ADGRV1: variants seen among roughly 807,000 people sequenced by gnomAD.
ADGRV1 encodes G-protein coupled receptor 98.
ADGRV1 carries 359 observed loss-of-function variants against 596.2 expected under a neutral mutation model. The observed-to-expected ratio is 0.60, with a 90% CI of 0.55 to 0.66. ADGRV1 has a LOEUF of 0.66. Ranked by LOEUF, ADGRV1 falls within the 30% of genes least tolerant of loss-of-function variation. The probability of loss-of-function intolerance (pLI) is 0.00; values close to 1 mark genes in which losing one functional copy is unlikely to be tolerated. For synonymous variants in ADGRV1, 2,681 were observed against 2,679.2 expected (o/e 1.00, Z -0.02); for missense variants, 7,274 against 7,575.6 (o/e 0.96, Z 1.48).
chr5:90,680,905 A>G (rs568806219), intron 26 of ADGRV1, among the ~76,000 whole-genome samples: 150 of 152,312 alleles, frequency 9.8e-4, no homozygotes, highest in African/African-American at 3.5e-3. Flanking sequence ...TTGGAAACCA[A>G]GAATCTGTTC....
At chr5:90,976,473 T>G (rs1003196880) in intron 84 of ADGRV1, among the ~76,000 whole-genome samples, 8 of 151,666 alleles carry the variant, frequency 5.3e-5, no homozygotes, top group Non-Finnish European at 8.8e-5. Context: ...CATTATTTTT[T>G]GGGTATTGTG....
At chr5:90,999,871 C>T (rs1195640354) in intron 85 of ADGRV1, among the ~76,000 whole-genome samples, 1 of 152,088 alleles carries the variant, frequency 6.6e-6, no homozygotes, top group Non-Finnish European at 1.5e-5. Flanking sequence ...CAGGATACTT[C>T]ATACAATTTA....
chr5:90,923,137 G>C (rs1411465701), intron 83 of ADGRV1, among the ~76,000 whole-genome samples: 1 of 152,086 alleles, frequency 6.6e-6, no homozygotes, highest in African/African-American at 2.4e-5. Flanking sequence ...TTTGAAACTT[G>C]TGAGCATTAC....
rs1465709028 is a variant in ADGRV1, at chr5:90,976,318, G to GTATATA, written c.17974-9025_17974-9024insATATAT. On this transcript the variant is annotated intron_variant, in intron 84 of 89. Coordinates refer to ENST00000405460, the MANE Select transcript of ADGRV1 (RefSeq NM_032119.4). ...TGTATATGTGTGTGTGTGTGTGTGT[G>GTATATA]TGTGTATATATATATATATATATAT... Among the ~76,000 whole-genome samples, 596 of 120,624 alleles carry GTATATA rather than the reference G, an allele frequency of 4.9e-3. 4 individuals are homozygous for GTATATA. Among genetic ancestry groups the GTATATA allele is most frequent in the Middle Eastern group, 8.4e-3 (2 of 238 alleles). 79.1% of individuals were successfully genotyped at this position (120,624 alleles called of 152,430 possible).
chr5:91,111,760 C>G (rs1792387311), intron 87 of ADGRV1, among the ~76,000 whole-genome samples: 1 of 151,912 alleles, frequency 6.6e-6, no homozygotes, highest in Non-Finnish European at 1.5e-5. Context: ...ATGTAGAAGC[C>G]AAGGGAGGCT....
intron 84 of ADGRV1, among the ~76,000 whole-genome samples, chr5:90,974,617 T>C (rs1430099528): frequency 3.9e-5 from 6 of 152,164 alleles, no homozygotes. Context: ...CCCTATTTAA[T>C]AAATGGTGCT....
intron 21 of ADGRV1, among the ~76,000 whole-genome samples, chr5:90,669,949 C>CTACA (rs1455032086): frequency 6.6e-6 from 1 of 152,234 alleles, no homozygotes; most frequent in Non-Finnish European, 1.5e-5. Context: ...TCCTCTCCAT[C>CTACA]TACACTCCCC....
At chr5:90,849,684 C>G (rs939559506) in intron 79 of ADGRV1, among the ~76,000 whole-genome samples, 4 of 152,104 alleles carry the variant, frequency 2.6e-5, no homozygotes, top group African/African-American at 9.7e-5. Context: ...GCCACTGTGC[C>G]CAGCCCAATG....
intron 20 of ADGRV1, among the ~76,000 whole-genome samples, chr5:90,657,557 C>T (rs544021929): frequency 6.6e-6 from 1 of 152,154 alleles, no homozygotes; most frequent in Admixed American, 6.5e-5. Context: ...AATACGTGCA[C>T]ATACATACAT....
chr5:90,596,927 A>T (rs920537047), intron 1 of ADGRV1, among the ~76,000 whole-genome samples: 1 of 152,184 alleles, frequency 6.6e-6, no homozygotes, highest in Non-Finnish European at 1.5e-5. Flanking sequence ...TCTTAAAACA[A>T]AAACAAAAAG....
intron 42 of ADGRV1, among the ~76,000 whole-genome samples, chr5:90,712,975 T>C (rs749065660): frequency 2.6e-5 from 4 of 152,128 alleles, no homozygotes; most frequent in Non-Finnish European, 5.9e-5. Flanking sequence ...ATAGGTATTG[T>C]GCTGACTGTT....
Position 90,797,756 on chromosome 5 carries a change from A to G in ADGRV1, c.14518-4983A>G, listed in dbSNP as rs2150165593. 1.3e-5 allele frequency among the ~76,000 whole-genome samples: 2 copies of G among 152,344 alleles called. 1 individual carries two copies. Among genetic ancestry groups the G allele is most frequent in the South Asian group, 4.1e-4 (2 of 4,832 alleles). ...AACACACCTCAGCAAATGTGAAAGAATGGAAATAATAACAGTCTTTCAGAG... is the reference window on the plus strand; with the variant it reads ...AACACACCTCAGCAAATGTGAAAGAGTGGAAATAATAACAGTCTTTCAGAG... On this transcript the variant is annotated intron_variant, in intron 70 of 89. Transcript: ENST00000405460.
At chr5:90,729,467 C>T (rs768325157) in intron 49 of ADGRV1, among the ~76,000 whole-genome samples, 175 bp from the exon 50 acceptor site, 1 of 152,126 alleles carries the variant, frequency 6.6e-6, no homozygotes, top group Non-Finnish European at 1.5e-5. Context: ...TCCCGTCATG[C>T]AGTAAATGCA....
At chr5:90,881,783 G>C (rs1292588419) in intron 83 of ADGRV1, among the ~76,000 whole-genome samples, 1 of 152,086 alleles carries the variant, frequency 6.6e-6, no homozygotes, top group African/African-American at 2.4e-5. Context: ...GGAGTGCAGT[G>C]GTATGATCAT....
At chr5:91,005,258 A>G (rs1782173396) in intron 85 of ADGRV1, among the ~76,000 whole-genome samples, 1 of 152,168 alleles carries the variant, frequency 6.6e-6, no homozygotes, top group African/African-American at 2.4e-5. Flanking sequence ...GAAAAAGACA[A>G]CGTAAGATAC....
chr5:91,107,967 G>A (rs1371166948), intron 87 of ADGRV1, among the ~76,000 whole-genome samples: 1 of 152,122 alleles, frequency 6.6e-6, no homozygotes, highest in Non-Finnish European at 1.5e-5. Context: ...CTTATTAGAA[G>A]CTAAGAATAA....
At chr5:90,619,929 A>G (rs1224693350) in intron 4 of ADGRV1, among the ~76,000 whole-genome samples, 2 of 151,760 alleles carry the variant, frequency 1.3e-5, no homozygotes, top group Admixed American at 6.6e-5. Context: ...AAGGACATGA[A>G]CTCATCATTT....
At chr5:90,893,408 G>T (rs559629645) in intron 83 of ADGRV1, among the ~76,000 whole-genome samples, 1 of 152,150 alleles carries the variant, frequency 6.6e-6, no homozygotes. Flanking sequence ...TTTACTGGTC[G>T]CACACAACTA....
chr5:91,004,694 G>T (rs1426547134), intron 85 of ADGRV1, among the ~76,000 whole-genome samples: 1 of 152,146 alleles, frequency 6.6e-6, no homozygotes, highest in Non-Finnish European at 1.5e-5. Context: ...CCTAAGTATT[G>T]ATTTAATCAT....
Sources: allele counts gnomAD v4.1 joint callset (sites outside exome capture counted in the v4.1 genomes callset), GRCh38; gene constraint gnomAD v4.1.1; transcripts MANE v1.5; gene names NCBI Gene and HGNC (gene_info 2026-07-23, HGNC 2026-07-21).